Variants in SAXO3 observed in about 807,000 individuals in gnomAD.
SAXO3 encodes the protein stabilizer of axonemal microtubules 3.
At chr19:49,018,904 T>G in the SAXO3 span, 2 of 1,534,078 alleles carry the variant, frequency 1.3e-6, no homozygotes, top group Non-Finnish European at 1.7e-6. Flanking sequence ...CGCGCCGAGG[T>G]GGTCAGATAG....
the SAXO3 span, chr19:49,018,830 G>C: frequency 6.8e-7 from 1 of 1,473,496 alleles, no homozygotes; most frequent in Non-Finnish European, 9.2e-7. Context: ...CGGCCACGGC[G>C]GGGGCTGTGC....
chr19:49,019,241 T>G, the SAXO3 span: 6 of 1,336,688 alleles, frequency 4.5e-6, no homozygotes, highest in East Asian at 3.0e-5. Context: ...CCTTCTGCTG[T>G]TCAAGGAACT....
the SAXO3 span, chr19:49,018,099 C>G: frequency 7.5e-6 from 3 of 399,078 alleles, no homozygotes. Context: ...CAGAAGCGGT[C>G]GAGCCGCCGG....
At chr19:49,019,914 C>G in the SAXO3 span, 1 of 1,483,544 alleles carries the variant, frequency 6.7e-7, no homozygotes, top group Non-Finnish European at 9.1e-7. Flanking sequence ...TTTACCTTTT[C>G]TCCTAAATCC....
the SAXO3 span, among the ~76,000 whole-genome samples, chr19:49,018,536 C>T: frequency 6.6e-6 from 1 of 152,080 alleles, no homozygotes; most frequent in Non-Finnish European, 1.5e-5. Flanking sequence ...ACTGAGCTTT[C>T]GCATCCTAGG....
At chr19:49,020,406 G>A in the SAXO3 span, 1 of 399,892 alleles carries the variant, frequency 2.5e-6, no homozygotes, top group Non-Finnish European at 4.4e-6. Flanking sequence ...GGGTATGGGT[G>A]GGATAATGCG....
the SAXO3 span, chr19:49,020,171 C>A: frequency 1.9e-6 from 1 of 536,982 alleles, no homozygotes; most frequent in Non-Finnish European, 3.2e-6. Flanking sequence ...CCCCCCACCC[C>A]AAACTCTGAC....
At chr19:49,020,005 G>C in the SAXO3 span, 1 of 1,491,720 alleles carries the variant, frequency 6.7e-7, no homozygotes, top group Non-Finnish European at 8.8e-7. Context: ...TCTTGGGCAC[G>C]TAGGCCGAGC....
the SAXO3 span, chr19:49,018,980 CT>C: frequency 6.5e-7 from 1 of 1,533,592 alleles, no homozygotes; most frequent in Non-Finnish European, 8.7e-7. Context: ...GCTCGGGGTT[CT>C]TCGTCCAGGC....
the SAXO3 span, chr19:49,019,082 C>T: frequency 2.8e-6 from 4 of 1,452,274 alleles, no homozygotes; most frequent in African/African-American, 1.4e-5. Flanking sequence ...AGTTCAGAAT[C>T]CCTCTCCTTC....
the SAXO3 span, chr19:49,019,440 G>T: frequency 3.7e-5 from 47 of 1,256,796 alleles, no homozygotes; most frequent in Non-Finnish European, 4.6e-5. Context: ...GTCTAGCTCC[G>T]CAGCAGCTTA....
At chr19:49,018,565 C>G in the SAXO3 span, among the ~76,000 whole-genome samples, 1 of 152,122 alleles carries the variant, frequency 6.6e-6, no homozygotes, top group Non-Finnish European at 1.5e-5. Context: ...AGGGGACTTT[C>G]GCTTCCTTGG....
At chr19:49,019,407 C>T in the SAXO3 span, 2 of 1,258,348 alleles carry the variant, frequency 1.6e-6, no homozygotes, top group East Asian at 3.1e-5. Flanking sequence ...ATATTCTAGT[C>T]TCCTCCCCAC....
At chr19:49,019,127 C>T in the SAXO3 span, 6 of 1,429,574 alleles carry the variant, frequency 4.2e-6, no homozygotes, top group African/African-American at 1.4e-5. Flanking sequence ...GGCCCTCACA[C>T]CCCGCCCCAG....
chr19:49,019,367 C>CT, the SAXO3 span: 1 of 1,238,334 alleles, frequency 8.1e-7, no homozygotes, highest in Non-Finnish European at 1.0e-6. Context: ...CAAGTTACCT[C>CT]TCCCAACTCC....
chr19:49,018,341 C>T, the SAXO3 span: 1 of 1,218,934 alleles, frequency 8.2e-7, no homozygotes, highest in Non-Finnish European at 1.0e-6. Context: ...CAGCTCCGTC[C>T]TGTGGGAGCA....
chr19:49,018,293 C>T, the SAXO3 span: 8 of 1,177,130 alleles, frequency 6.8e-6, no homozygotes, highest in Non-Finnish European at 8.5e-6. Flanking sequence ...CTCTTCGAAG[C>T]TCCAGTAGGT....
chr19:49,018,338 G>T, the SAXO3 span: 26 of 1,218,208 alleles, frequency 2.1e-5, no homozygotes, highest in Admixed American at 1.3e-4. Flanking sequence ...GGACAGCTCC[G>T]TCCTGTGGGA....
At chr19:49,019,286 C>T in the SAXO3 span, 1 of 1,219,182 alleles carries the variant, frequency 8.2e-7, no homozygotes, top group Non-Finnish European at 1.0e-6. Flanking sequence ...AAACAACCTC[C>T]CTGGTTCCGC....
Sources: gnomAD v4.1 joint callset for allele counts (sites outside exome capture counted in the v4.1 genomes callset) on GRCh38, gnomAD v4.1.1 for gene constraint, MANE v1.5 for transcripts, NCBI Gene and HGNC (gene_info 2026-07-23, HGNC 2026-07-21) for gene names.